The following SRSF7 variants were observed in gnomAD, a reference collection of about 807,000 sequenced individuals.
The protein encoded by SRSF7 is serine and arginine rich splicing factor 7.
SRSF7 carries 15 observed loss-of-function variants against 42.2 expected under a neutral mutation model. That is an observed-to-expected ratio of 0.36 (90% CI 0.24 to 0.55). The LOEUF (loss-of-function observed/expected upper bound fraction) is 0.55. SRSF7 is among the 20% of genes least tolerant of loss of function. SRSF7 has a pLI of 0.88. For missense variants in SRSF7, 181 were observed against 305.9 expected (o/e 0.59, Z 3.04); for synonymous variants, 138 against 107.9 (o/e 1.28, Z -1.73).
intron 4 of SRSF7, among the ~76,000 whole-genome samples, 195 bp downstream of exon 4, chr2:38,748,384 G>A (rs1667799088): frequency 6.6e-6 from 1 of 152,064 alleles, no homozygotes; most frequent in South Asian, 2.1e-4. Context: ...CAGCTACTCG[G>A]GAGGCTGAGG....
Position 38,745,113 on chromosome 2 carries a change from A to C in SRSF7, c.*20T>G. Reference sequence around the variant, plus strand: ...AATGTAAACAAAATAACTTTTCCCTAAAGGGTGAACTTGAGAGCTTCAGTC... The same window carrying C: ...AATGTAAACAAAATAACTTTTCCCTCAAGGGTGAACTTGAGAGCTTCAGTC... On this transcript the variant is annotated 3_prime_UTR_variant, in exon 8 of 8. Coordinates refer to ENST00000313117, the MANE Select transcript of SRSF7 (RefSeq NM_001031684.3). 3 of 1,613,344 alleles carry C rather than the reference A, an allele frequency of 1.9e-6. No individual in the cohort carries two copies. The highest frequency in any genetic ancestry group is 1.7e-5 in the Admixed American group (1 of 59,926).
rs369483923 is a variant in SRSF7, at chr2:38,749,731, C to T, written c.210-26G>A. The T allele has an allele frequency of 2.6e-5, 40 of 1,515,626 alleles. No individual in the cohort carries two copies. The African/African-American group carries it at 4.9e-4, about 19-fold the overall frequency. The allele number at this position is 1,515,626 out of a possible 1,614,324, so 93.9% of individuals were successfully genotyped here. ...CTAATAAAAGCAAATTAACAAAATT[C>T]TAAAGTTAAAAATATATTCAGGACT... On this transcript the variant is annotated intron_variant, in intron 2 of 7. Transcript: ENST00000313117.
intron 5 of SRSF7, among the ~76,000 whole-genome samples, chr2:38,747,295 A>G (rs751947396): frequency 3.7e-4 from 57 of 152,228 alleles, no homozygotes; most frequent in Admixed American, 1.8e-3. Flanking sequence ...TGACATATCT[A>G]TCTTTTAAAT....
chr2:38,747,840 C>G (rs1052011987), intron 5 of SRSF7, among the ~76,000 whole-genome samples: 1 of 152,202 alleles, frequency 6.6e-6, no homozygotes, highest in South Asian at 2.1e-4. Flanking sequence ...GTCTACCACA[C>G]GGCCTAACAA....
Position 38,749,531 on chromosome 2 carries a change from GCTT to G in SRSF7, c.381_383del (p.Arg127del). On this transcript the variant is annotated inframe_deletion, in exon 3 of 8. Transcript: ENST00000313117. ...CATTCCTTTATTAAAATAAATACCT[GCTT>G]CTTCTTCGCCGGCTGTAACGATGAC... The G allele has an allele frequency of 1.2e-5, 18 of 1,563,372 alleles. No homozygotes were observed. Among genetic ancestry groups the G allele is most frequent in the Non-Finnish European group, 1.6e-5 (18 of 1,157,778 alleles).
chr2:38,751,104 G>A (rs1668281941), intron 1 of SRSF7, 125 bp downstream of exon 1: 22 of 1,307,214 alleles, frequency 1.7e-5, no homozygotes, highest in Non-Finnish European at 2.4e-5. Flanking sequence ...GGCTTCGTCT[G>A]GCGTGCTCCT....
chr2:38,743,756 A>G lies in SRSF7; in HGVS notation c.*1377T>C. On this transcript the variant is annotated 3_prime_UTR_variant, in exon 8 of 8. Coordinates refer to ENST00000313117, the MANE Select transcript of SRSF7 (RefSeq NM_001031684.3). ...TTCAGCCAGTCAAAATTCCAAAAAC[A>G]ATCCAAATAACTTCCAACATACTAG... 6.6e-6 allele frequency: 1 copy of G among 152,666 alleles called. No individual in the cohort carries two copies. The highest frequency in any genetic ancestry group is 1.5e-5 in the Non-Finnish European group (1 of 68,048). The allele number at this position is 152,666 out of a possible 1,614,324, so 9.5% of individuals were successfully genotyped here. A position where few individuals can be genotyped will look rare whatever the true frequency, so the allele number is the denominator to read the frequency against.
In SRSF7 at chr2:38,745,001, TAC is replaced by T; in HGVS notation, c.*130_*131del. On this transcript the variant is annotated 3_prime_UTR_variant, in exon 8 of 8. Transcript: ENST00000313117. ...TTATATTATCTTACTGCTGTGAATT[TAC>T]ATAGTAATCCAGATCCATTTTGATT... The T allele has an allele frequency of 2.3e-6, 2 of 853,764 alleles. No homozygotes were observed. Among genetic ancestry groups the T allele is most frequent in the Admixed American group, 2.5e-5 (1 of 40,094 alleles). 52.9% of individuals were successfully genotyped at this position (853,764 alleles called of 1,614,324 possible).
At chr2:38,747,244 T>C (rs1445425765) in intron 5 of SRSF7, 1 of 332,780 alleles carries the variant, frequency 3.0e-6, no homozygotes, top group Admixed American at 3.7e-5. Flanking sequence ...GATCAAGTTA[T>C]GTTTGAGAGC....
chr2:38,748,496 A>C, intron 4 of SRSF7, 83 bp downstream of exon 4: 1 of 1,462,470 alleles, frequency 6.8e-7, no homozygotes. Context: ...CTGTCTCCAA[A>C]AAAAATAATG....
chr2:38,746,940 T>G (rs1667510955), intron 5 of SRSF7, 193 bp from the exon 6 acceptor site: 2 of 887,594 alleles, frequency 2.3e-6, no homozygotes, highest in Admixed American at 2.5e-5. Flanking sequence ...TTCAATTACT[T>G]GTTTCTATCA....
intron 3 of SRSF7, chr2:38,749,146 C>A: frequency 6.1e-6 from 8 of 1,318,298 alleles, no homozygotes; most frequent in Middle Eastern, 2.1e-4. Context: ...TTTACTGTTA[C>A]GGCGATCACC....
Position 38,750,106 on chromosome 2 carries a change from A to G in SRSF7, c.117T>C (p.Thr39=). The change falls in exon 2 of 8, where the codon ACT becomes ACC. Residue 39 remains threonine (T), a synonymous_variant. Coordinates refer to ENST00000313117, the MANE Select transcript of SRSF7 (RefSeq NM_001031684.3). ...CTGGAGGATTTCTCGCAATCCATAC[A>G]GTTCTTAAAGGACCATAATAACTGA... ...RAFSYYGPLR[T]VWIARNPPGF... The G allele has an allele frequency of 6.2e-7, 1 of 1,613,992 alleles. No homozygotes were observed. The highest frequency in any genetic ancestry group is 1.3e-5 in the African/African-American group (1 of 75,038).
At chr2:38,751,073 C>T (rs1668275238) in intron 1 of SRSF7, 156 bp downstream of exon 1, 1 of 931,584 alleles carries the variant, frequency 1.1e-6, no homozygotes, top group Non-Finnish European at 1.7e-6. Flanking sequence ...CTCCCTTCAG[C>T]ACCCCGCCTC....
Position 38,745,099 on chromosome 2 carries a change from A to T in SRSF7, c.*34T>A. ...AAATCCCTTATAATAATGTAAACAA[A>T]ATAACTTTTCCCTAAAGGGTGAACT... On this transcript the variant is annotated 3_prime_UTR_variant, in exon 8 of 8. Transcript: ENST00000313117. 1 of 1,610,582 alleles carries T rather than the reference A, an allele frequency of 6.2e-7. No homozygotes were observed. The highest frequency in any genetic ancestry group is 8.5e-7 in the Non-Finnish European group (1 of 1,177,180).
chr2:38,749,346 C>T (rs1173720063), intron 3 of SRSF7, 183 bp downstream of exon 3: 2 of 1,534,696 alleles, frequency 1.3e-6, no homozygotes, highest in Non-Finnish European at 1.8e-6. Flanking sequence ...AACGAAGAAA[C>T]CTGAAAGGTT....
chr2:38,746,577 C>G (rs908985605), intron 6 of SRSF7, 117 bp downstream of exon 6: 1 of 1,451,012 alleles, frequency 6.9e-7, no homozygotes, highest in Non-Finnish European at 9.4e-7. Flanking sequence ...GTACTGTGTT[C>G]CCACTAAAAC....
At position 38,750,094 on chromosome 2, in the gene SRSF7, C is replaced by T; in HGVS notation, c.129G>A (p.Ala43=). The change falls in exon 2 of 8, where the codon GCG becomes GCA. Residue 43 remains alanine (A), a synonymous_variant. Transcript: ENST00000313117. ...YYGPLRTVWI[A]RNPPGFAFVE... ...CAAAGGCAAATCCTGGAGGATTTCTCGCAATCCATACAGTTCTTAAAGGAC... is the reference window on the plus strand; with the variant it reads ...CAAAGGCAAATCCTGGAGGATTTCTTGCAATCCATACAGTTCTTAAAGGAC... 6.2e-7 allele frequency: 1 copy of T among 1,613,882 alleles called. No individual in the cohort carries two copies.
At chr2:38,745,220 T>G in intron 7 of SRSF7, 33 bp from the exon 8 acceptor site, 4 of 1,608,068 alleles carry the variant, frequency 2.5e-6, no homozygotes, top group Non-Finnish European at 2.6e-6. Context: ...TGGATCCAAT[T>G]AGTGTCAATT....
Sources: allele counts gnomAD v4.1 joint callset (sites outside exome capture counted in the v4.1 genomes callset), GRCh38; gene constraint gnomAD v4.1.1; transcripts MANE v1.5; gene names NCBI Gene and HGNC (gene_info 2026-07-23, HGNC 2026-07-21).